Variants in HTRA1 observed in about 807,000 individuals in gnomAD.
HTRA1 encodes the protein serine protease HTRA1.
A neutral mutation model predicts 49.7 loss-of-function variants in HTRA1; 26 were observed. The ratio of observed to expected loss-of-function variants is 0.52; its 90% CI spans 0.38 to 0.73. The LOEUF (loss-of-function observed/expected upper bound fraction) is 0.73, where lower values mean the gene tolerates loss of function less well. HTRA1 is among the 30% of genes least tolerant of loss of function. The pLI, the probability that HTRA1 is intolerant of heterozygous loss-of-function variation, is 0.00. For synonymous variants in HTRA1, 291 were observed against 286.9 expected (o/e 1.01, Z -0.14); for missense variants, 561 against 667.2 (o/e 0.84, Z 1.75).
At chr10:122,496,464 G>C (rs2097498806) in intron 3 of HTRA1, among the ~76,000 whole-genome samples, 1 of 151,786 alleles carries the variant, frequency 6.6e-6, no homozygotes, top group South Asian at 2.1e-4. Flanking sequence ...TTATAAATGT[G>C]TGTTGAACAT....
At chr10:122,477,316 GA>G (rs2097489088) in intron 1 of HTRA1, among the ~76,000 whole-genome samples, 1 of 152,144 alleles carries the variant, frequency 6.6e-6, no homozygotes, top group South Asian at 2.1e-4. Context: ...GGATGCCAAA[GA>G]AATATAAGAT....
At position 122,461,990 on chromosome 10, in the gene HTRA1, C is replaced by A. The variant is rs1379232919; in HGVS notation, c.338C>A (p.Ala113Asp). ...GCGCAGGCCGGCCTCTGTGTGTGCG[C>A]CAGCAGCGAGCCGGTGTGCGGCAGC... ...RRAQAGLCVCASSEPVCGSDA... is the reference protein window; with the variant it reads ...RRAQAGLCVCDSSEPVCGSDA... The change falls in exon 1 of 9, where the codon GCC becomes GAC. Residue 113 changes from alanine to aspartate, a missense_variant. Ala to Asp is a moderately radical substitution (Grantham distance 126). Transcript: ENST00000368984. The A allele has an allele frequency of 1.3e-6, 2 of 1,526,392 alleles. No individual in the cohort carries two copies. The highest frequency in any genetic ancestry group is 3.9e-5 in the Admixed American group (2 of 50,648). 94.6% of individuals were successfully genotyped at this position (1,526,392 alleles called of 1,614,324 possible).
chr10:122,498,843 G>A (rs974089671), intron 3 of HTRA1, among the ~76,000 whole-genome samples: 2 of 152,204 alleles, frequency 1.3e-5, no homozygotes, highest in Non-Finnish European at 2.9e-5. Context: ...CATGCTCAGG[G>A]AACTTGGGGC....
At chr10:122,496,946 A>G (rs941756829) in intron 3 of HTRA1, among the ~76,000 whole-genome samples, 2 of 152,226 alleles carry the variant, frequency 1.3e-5, no homozygotes, top group Non-Finnish European at 2.9e-5. Flanking sequence ...GGAAAGCTCC[A>G]GTGTCTTAAG....
At chr10:122,483,972 A>G (rs760165177) in intron 1 of HTRA1, among the ~76,000 whole-genome samples, 9 of 152,060 alleles carry the variant, frequency 5.9e-5, no homozygotes, top group Non-Finnish European at 8.8e-5. Context: ...TTTTCTATAT[A>G]GACTATCATA....
intron 1 of HTRA1, among the ~76,000 whole-genome samples, chr10:122,469,035 A>G (rs1286965610): frequency 6.6e-6 from 1 of 152,156 alleles, no homozygotes; most frequent in Admixed American, 6.5e-5. Flanking sequence ...CCACAGGATA[A>G]TTATGTCTCC....
intron 3 of HTRA1, among the ~76,000 whole-genome samples, chr10:122,503,365 C>T (rs986225457): frequency 2.0e-5 from 3 of 152,210 alleles, no homozygotes; most frequent in African/African-American, 7.2e-5. Context: ...GTGAGGCTCA[C>T]GGCTGAGAAC....
At chr10:122,484,001 A>G (rs1351297062) in intron 1 of HTRA1, among the ~76,000 whole-genome samples, 1 of 152,256 alleles carries the variant, frequency 6.6e-6, no homozygotes, top group Non-Finnish European at 1.5e-5. Flanking sequence ...CTGCAAATAA[A>G]GACGGTTTTA....
At chr10:122,498,656 G>A (rs751898586) in intron 3 of HTRA1, among the ~76,000 whole-genome samples, 1 of 152,056 alleles carries the variant, frequency 6.6e-6, no homozygotes, top group Non-Finnish European at 1.5e-5. Context: ...AAGATTACTG[G>A]CCAAGCCAGC....
chr10:122,501,657 G>A (rs2097500916), intron 3 of HTRA1, among the ~76,000 whole-genome samples: 1 of 152,144 alleles, frequency 6.6e-6, no homozygotes, highest in Non-Finnish European at 1.5e-5. Context: ...CTCCTCCAAC[G>A]AGTGCTGAGG....
chr10:122,499,663 C>T (rs1403807731), intron 3 of HTRA1, among the ~76,000 whole-genome samples: 1 of 152,252 alleles, frequency 6.6e-6, no homozygotes, highest in Non-Finnish European at 1.5e-5. Context: ...GTAAACAACC[C>T]TTCTGCGGCC....
chr10:122,475,667 C>T (rs2097488130), intron 1 of HTRA1, among the ~76,000 whole-genome samples: 1 of 152,210 alleles, frequency 6.6e-6, no homozygotes. Flanking sequence ...AGCTGGCTGC[C>T]TGGGCCACCA....
chr10:122,493,993 C>T (rs1364564879), intron 3 of HTRA1, among the ~76,000 whole-genome samples: 2 of 152,106 alleles, frequency 1.3e-5, no homozygotes, highest in African/African-American at 4.8e-5. Flanking sequence ...CCTTCCTGTC[C>T]TTCAGGCCTC....
rs997040820 is a variant in HTRA1 at position 122,506,534 on chromosome 10, G to A, written c.778-157G>A. Among the ~76,000 whole-genome samples, 2 of 152,254 alleles carry A rather than the reference G, an allele frequency of 1.3e-5. No individual in the cohort carries two copies. The highest frequency in any genetic ancestry group is 3.4e-3 in the Middle Eastern group (1 of 294). ...GTGGGAGGGAAATCCAGTCCTGCCCGCAGCAAAGGGATGTTAGTTGTGAGC... is the reference window on the plus strand; with the variant it reads ...GTGGGAGGGAAATCCAGTCCTGCCCACAGCAAAGGGATGTTAGTTGTGAGC... On this transcript the variant is annotated intron_variant, in intron 3 of 8. Coordinates refer to ENST00000368984, the MANE Select transcript of HTRA1 (RefSeq NM_002775.5). The surrounding 1 kb of genome is among the most constrained non-coding windows in gnomAD (Gnocchi z 5.2).
Position 122,487,143 on chromosome 10 carries a change from A to C in HTRA1, c.473-1759A>C, listed in dbSNP as rs2097493459. 6.6e-6 allele frequency among the ~76,000 whole-genome samples: 1 copy of C among 152,312 alleles called. No homozygotes were observed. Among genetic ancestry groups the C allele is most frequent in the Non-Finnish European group, 1.5e-5 (1 of 68,020 alleles). ...GATTACCATGTGAAATTGCTATGAA[A>C]GTTTCCGAAAGCTTCCTGTCAATTC... On this transcript the variant is annotated intron_variant, in intron 1 of 8. Transcript: ENST00000368984. The surrounding 1 kb of genome is among the most constrained non-coding windows in gnomAD (Gnocchi z 4.8).
In HTRA1 at chr10:122,488,973, G is replaced by A; in HGVS notation, c.544G>A (p.Ala182Thr). ...GGACGTGGTGGAGAAGATCGCCCCT[G>A]CCGTGGTTCATATCGAATTGTTTCG... ...IADVVEKIAP[A>T]VVHIELFRKL... Residue 182 changes from alanine to threonine, a missense_variant, in exon 2 of 9, where the codon GCC becomes ACC. Coordinates refer to ENST00000368984, the MANE Select transcript of HTRA1 (RefSeq NM_002775.5). 1 of 1,614,018 alleles carries A rather than the reference G, an allele frequency of 6.2e-7. No individual in the cohort carries two copies. Among genetic ancestry groups the A allele is most frequent in the Non-Finnish European group, 8.5e-7 (1 of 1,179,866 alleles).
intron 1 of HTRA1, among the ~76,000 whole-genome samples, chr10:122,482,488 G>C (rs533109235): frequency 6.6e-6 from 1 of 152,128 alleles, no homozygotes; most frequent in East Asian, 1.9e-4. Flanking sequence ...GGCACTCTGG[G>C]GTCCCTTGGG....
At position 122,464,178 on chromosome 10, in the gene HTRA1, C is replaced by T. The variant is rs546177978; in HGVS notation, c.472+2054C>T. On this transcript the variant is annotated intron_variant, in intron 1 of 8. Coordinates refer to ENST00000368984, the MANE Select transcript of HTRA1 (RefSeq NM_002775.5). This position sits in a 1 kb window ranked among gnomAD's most constrained non-coding sequence, Gnocchi z 4.8. ...AAAACAAGCCAGCTGTTACTGGTCT[C>T]GCTGTTTGTGGTCTCATCGCACGGG... Among the ~76,000 whole-genome samples the T allele has an allele frequency of 1.3e-3, 205 of 152,316 alleles. 1 individual carries two copies. Among genetic ancestry groups the T allele is most frequent in the African/African-American group, 1.1e-3 (44 of 41,570 alleles).
chr10:122,470,105 G>A (rs986141741), intron 1 of HTRA1, among the ~76,000 whole-genome samples: 7 of 152,204 alleles, frequency 4.6e-5, no homozygotes, highest in African/African-American at 1.4e-4. Flanking sequence ...TTGATAGTGC[G>A]GTTCAGGTCA....
Sources: gnomAD v4.1 joint callset for allele counts (sites outside exome capture counted in the v4.1 genomes callset) on GRCh38, gnomAD v4.1.1 for gene constraint, Gnocchi (gnomAD v3.1) non-coding constraint, MANE v1.5 for transcripts, NCBI Gene and HGNC (gene_info 2026-07-23, HGNC 2026-07-21) for gene names.